Variants in RAB14 observed in about 807,000 individuals in gnomAD.
The protein encoded by RAB14 is RAB14, member RAS oncogene family.
Under a neutral mutation model 31.1 loss-of-function variants are expected in RAB14, and 3 were observed. The ratio of observed to expected loss-of-function variants is 0.10; its 90% CI spans 0.04 to 0.25. RAB14 has a LOEUF of 0.25. RAB14 is among the 10% of genes least tolerant of loss of function. The probability of loss-of-function intolerance (pLI) is 1.00; values close to 1 mark genes in which losing one functional copy is unlikely to be tolerated. For missense variants in RAB14, 111 were observed against 260.1 expected (o/e 0.43, Z 3.94); for synonymous variants, 85 against 84.9 (o/e 1.00, Z 0.00).
chr9:121,191,385 T>C (rs2053685754), intron 3 of RAB14, among the ~76,000 whole-genome samples: 1 of 152,128 alleles, frequency 6.6e-6, no homozygotes, highest in African/African-American at 2.4e-5. Context: ...TCACCCATGT[T>C]GGAGTGCAGT....
chr9:121,183,096 T>C (rs369376067), intron 6 of RAB14, 136 bp from the exon 7 acceptor site: 3 of 881,948 alleles, frequency 3.4e-6, no homozygotes, highest in Non-Finnish European at 3.5e-6. Context: ...GTATGTAAGT[T>C]TGAGGTGGAG....
intron 1 of RAB14, among the ~76,000 whole-genome samples, chr9:121,199,935 T>G (rs956228766): frequency 6.6e-6 from 1 of 152,214 alleles, no homozygotes; most frequent in African/African-American, 2.4e-5. Flanking sequence ...TCAAAAGATA[T>G]TAAACACCCA....
intron 1 of RAB14, among the ~76,000 whole-genome samples, chr9:121,199,059 C>A (rs2053734588): frequency 6.6e-6 from 1 of 152,026 alleles, no homozygotes; most frequent in African/African-American, 2.4e-5. Context: ...CTTCTATATA[C>A]AGGAAATAAA....
chr9:121,191,324 A>G (rs550980176), intron 3 of RAB14, among the ~76,000 whole-genome samples: 1 of 152,228 alleles, frequency 6.6e-6, no homozygotes, highest in East Asian at 1.9e-4. Context: ...AAAGAAAATC[A>G]GCATGTTTTA....
rs2053610659 is a variant in RAB14, at chr9:121,178,474, G to GTAAT, written c.*2918_*2921dup. The GTAAT allele has an allele frequency of 6.6e-6, 1 of 151,518 alleles. No individual in the cohort carries two copies. Among genetic ancestry groups the GTAAT allele is most frequent in the East Asian group, 1.9e-4 (1 of 5,156 alleles). The allele number at this position is 151,518 out of a possible 1,614,324, so 9.4% of individuals were successfully genotyped here. ...ATTCCCACATGAAGAGGAATGGAAG[G>GTAAT]TAATTATTTGGTCTTTTCTTCTGTT... On this transcript the variant is annotated 3_prime_UTR_variant, in exon 8 of 8. Coordinates refer to ENST00000373840, the MANE Select transcript of RAB14 (RefSeq NM_016322.4).
At chr9:121,195,790 T>C (rs1237021793) in intron 1 of RAB14, among the ~76,000 whole-genome samples, 1 of 152,104 alleles carries the variant, frequency 6.6e-6, no homozygotes, top group Non-Finnish European at 1.5e-5. Context: ...CAGAAAACAT[T>C]TAACACTGTA....
intron 1 of RAB14, among the ~76,000 whole-genome samples, chr9:121,193,705 T>A (rs572418666): frequency 3.3e-5 from 5 of 152,062 alleles, no homozygotes; most frequent in East Asian, 1.9e-4. Context: ...AAGTATAATT[T>A]AAAAAAAATC....
intron 1 of RAB14, among the ~76,000 whole-genome samples, chr9:121,200,934 A>G (rs1403535152): frequency 6.6e-6 from 1 of 152,208 alleles, no homozygotes; most frequent in Non-Finnish European, 1.5e-5. Flanking sequence ...CTTAGATTCT[A>G]GAAATGCCAC....
rs539251207 is a variant in RAB14 at position 121,197,548 on chromosome 9, T to G, written c.-8+4091A>C. ...AAATATTAAACACTAATTATTGTTG[T>G]GACAAAAATAGAATGCATGGTTTCT... On this transcript the variant is annotated intron_variant, in intron 1 of 7. Transcript: ENST00000373840. Among the ~76,000 whole-genome samples, 73 of 152,340 alleles carry G rather than the reference T, an allele frequency of 4.8e-4. 1 individual carries two copies. In the South Asian group the frequency reaches 5.0e-3, roughly 10 times the overall value.
chr9:121,180,059 AACTT>A lies in RAB14; in HGVS notation c.*1333_*1336del, dbSNP rs1393565886. On this transcript the variant is annotated 3_prime_UTR_variant, in exon 8 of 8. Coordinates refer to ENST00000373840, the MANE Select transcript of RAB14 (RefSeq NM_016322.4). ...GCCAAACCACCTGGTGCAAAGTAAT[AACTT>A]ACTTTGTATCAGCACAAGCGCTGAA... is the stretch of plus-strand genomic sequence containing the variant. The A allele has an allele frequency of 6.6e-6, 1 of 152,662 alleles. No homozygotes were observed. The allele number at this position is 152,662 out of a possible 1,614,324, so 9.5% of individuals were successfully genotyped here. A position where few individuals can be genotyped will look rare whatever the true frequency, so the allele number is the denominator to read the frequency against.
intron 1 of RAB14, among the ~76,000 whole-genome samples, chr9:121,199,512 CAA>C (rs1292031353): frequency 6.6e-6 from 1 of 152,140 alleles, no homozygotes; most frequent in Non-Finnish European, 1.5e-5. Flanking sequence ...TTACCTTAAT[CAA>C]GTTTCCTCCA....
At chr9:121,187,880 C>T (rs951154103) in intron 4 of RAB14, among the ~76,000 whole-genome samples, 3 of 151,938 alleles carry the variant, frequency 2.0e-5, no homozygotes, top group African/African-American at 4.8e-5. Context: ...TGTGAGGAAA[C>T]GGAAGCCCAT....
At chr9:121,198,612 C>T (rs1215925453) in intron 1 of RAB14, among the ~76,000 whole-genome samples, 1 of 152,106 alleles carries the variant, frequency 6.6e-6, no homozygotes, top group Non-Finnish European at 1.5e-5. Flanking sequence ...TTTTAACATG[C>T]ACGACGTTTT....
chr9:121,192,663 T>G (rs2053693381), intron 2 of RAB14, among the ~76,000 whole-genome samples: 1 of 152,124 alleles, frequency 6.6e-6, no homozygotes, highest in Non-Finnish European at 1.5e-5. Context: ...GTCCCTGTCT[T>G]ATACTTCTTG....
rs548698604 is a variant in RAB14, at chr9:121,197,017, T to C, written c.-7-3598A>G. Reference sequence around the variant, plus strand: ...CCAATGTTATAAAGTTTGTAAATGGTAGACCTAGAACTTGAACCCAGGCCT... The same window carrying C: ...CCAATGTTATAAAGTTTGTAAATGGCAGACCTAGAACTTGAACCCAGGCCT... On this transcript the variant is annotated intron_variant, in intron 1 of 7. Coordinates refer to ENST00000373840, the MANE Select transcript of RAB14 (RefSeq NM_016322.4). Among the ~76,000 whole-genome samples, 17 of 152,286 alleles carry C rather than the reference T, an allele frequency of 1.1e-4. No homozygotes were observed. The East Asian group carries it at 2.9e-3, about 26-fold the overall frequency.
chr9:121,201,421 G>A (rs527652786), intron 1 of RAB14, among the ~76,000 whole-genome samples: 2 of 152,178 alleles, frequency 1.3e-5, no homozygotes, highest in Admixed American at 6.5e-5. Context: ...TCAGGCCGGA[G>A]CCGCGCAGGG....
At chr9:121,181,744 CTTTTTTT>C (rs3838268) in intron 7 of RAB14, among the ~76,000 whole-genome samples, 171 bp from the exon 8 acceptor site, 2 of 102,942 alleles carry the variant, frequency 1.9e-5, no homozygotes, top group African/African-American at 6.2e-5. Flanking sequence ...AACTATTTTC[CTTTTTTT>C]TTTTTTTTTT....
intron 1 of RAB14, among the ~76,000 whole-genome samples, chr9:121,198,802 G>C (rs917805047): frequency 6.6e-6 from 1 of 152,144 alleles, no homozygotes; most frequent in Non-Finnish European, 1.5e-5. Flanking sequence ...ACTTGCTTTA[G>C]AGGCCCACTA....
intron 4 of RAB14, among the ~76,000 whole-genome samples, chr9:121,187,817 A>G (rs1411958030): frequency 6.6e-6 from 1 of 152,058 alleles, no homozygotes; most frequent in Non-Finnish European, 1.5e-5. Context: ...GAGGTTAAAA[A>G]TGTTTCTGAT....
Sources: allele counts gnomAD v4.1 joint callset (sites outside exome capture counted in the v4.1 genomes callset), GRCh38; gene constraint gnomAD v4.1.1; transcripts MANE v1.5; gene names NCBI Gene and HGNC (gene_info 2026-07-23, HGNC 2026-07-21).